Variants in NEO1 observed in about 807,000 individuals in gnomAD.
NEO1 encodes neogenin.
A neutral mutation model predicts 159.7 loss-of-function variants in NEO1; 63 were observed. That is an observed-to-expected ratio of 0.39 (90% CI 0.32 to 0.49). The LOEUF (loss-of-function observed/expected upper bound fraction) is 0.49. Among genes scored for constraint, NEO1 ranks in the 20% least tolerant of loss-of-function variants. NEO1 has a pLI of 0.85. For missense variants in NEO1, 1,615 were observed against 1,831.0 expected, an observed-to-expected ratio of 0.88 and a Z score of 2.15; for synonymous variants, 633 against 662.0, an observed-to-expected ratio of 0.96 and a Z score of 0.67.
At chr15:73,127,150 T>C (rs1251101471) in intron 4 of NEO1, among the ~76,000 whole-genome samples, 2 of 151,350 alleles carry the variant, frequency 1.3e-5, no homozygotes, top group African/African-American at 4.9e-5. Flanking sequence ...AGAATCGCTT[T>C]AACCCAGGAG....
chr15:73,217,998 T>G (rs927627195), intron 7 of NEO1, among the ~76,000 whole-genome samples: 2 of 152,100 alleles, frequency 1.3e-5, no homozygotes, highest in African/African-American at 4.8e-5. Context: ...CATCCCTGTC[T>G]TGTGCCAGTT....
intron 23 of NEO1, 29 bp downstream of exon 23, chr15:73,283,140 T>A: frequency 6.2e-7 from 1 of 1,612,386 alleles, no homozygotes; most frequent in Non-Finnish European, 8.5e-7. Flanking sequence ...ACCCCTTAGA[T>A]TTTTGGCATC....
chr15:73,267,457 T>G (rs2040962958), intron 16 of NEO1, among the ~76,000 whole-genome samples: 1 of 152,052 alleles, frequency 6.6e-6, no homozygotes, highest in South Asian at 2.1e-4. Context: ...GTTACATATG[T>G]ATACATGTGC....
chr15:73,194,523 GTT>G (rs2036423940), intron 7 of NEO1, among the ~76,000 whole-genome samples: 1 of 152,132 alleles, frequency 6.6e-6, no homozygotes, highest in African/African-American at 2.4e-5. Context: ...AGAGGAGGAG[GTT>G]CCAGGCTCTT....
chr15:73,142,983 A>G (rs1435234079), intron 5 of NEO1, among the ~76,000 whole-genome samples: 2 of 152,244 alleles, frequency 1.3e-5, no homozygotes, highest in African/African-American at 2.4e-5. Context: ...TGAAAATGAA[A>G]TAAACTGAGT....
chr15:73,184,725 C>A (rs1190136324), intron 7 of NEO1, among the ~76,000 whole-genome samples: 1 of 152,100 alleles, frequency 6.6e-6, no homozygotes, highest in African/African-American at 2.4e-5. Context: ...GGCAGGAGTT[C>A]GAGACCAGCT....
intron 7 of NEO1, among the ~76,000 whole-genome samples, chr15:73,220,642 T>C (rs1596379497): frequency 6.6e-6 from 1 of 152,218 alleles, no homozygotes; most frequent in African/African-American, 2.4e-5. Context: ...TATTCTTTTT[T>C]CTCTAAACTT....
chr15:73,184,551 TA>T (rs1652628983), intron 7 of NEO1, among the ~76,000 whole-genome samples: 1 of 152,206 alleles, frequency 6.6e-6, no homozygotes, highest in South Asian at 2.1e-4. Flanking sequence ...TATTCCTAAT[TA>T]CCAAGATGTC....
At position 73,205,977 on chromosome 15, in the gene NEO1, G is replaced by T. The variant is rs563295040; in HGVS notation, c.1291+27550G>T. Among the ~76,000 whole-genome samples the T allele has an allele frequency of 5.9e-5, 9 of 151,852 alleles. 1 individual carries two copies. In the South Asian group the frequency reaches 1.9e-3, roughly 32 times the overall value. On this transcript the variant is annotated intron_variant, in intron 7 of 28. Transcript: ENST00000261908. ...AGCTGGAGTGCAGTGGTGCGATCTC[G>T]GCTCACTGCAACCCCTGCCTCCCAG...
intron 5 of NEO1, among the ~76,000 whole-genome samples, chr15:73,151,303 T>C (rs1425779605): frequency 3.3e-5 from 5 of 152,230 alleles, no homozygotes; most frequent in Non-Finnish European, 7.3e-5. Flanking sequence ...GTACATGTTA[T>C]AGACATATTA....
chr15:73,178,494 A>G, intron 7 of NEO1, 67 bp downstream of exon 7: 1 of 1,575,084 alleles, frequency 6.3e-7, no homozygotes, highest in Non-Finnish European at 8.7e-7. Context: ...CCATCCGTCC[A>G]AATAACTCAT....
At chr15:73,299,419 T>A (rs1382498151) in intron 27 of NEO1, among the ~76,000 whole-genome samples, 1 of 151,714 alleles carries the variant, frequency 6.6e-6, no homozygotes, top group Non-Finnish European at 1.5e-5. Context: ...GGAGTCTCGC[T>A]CTGTCACCCA....
At chr15:73,066,989 T>C (rs2068254136) in intron 1 of NEO1, among the ~76,000 whole-genome samples, 1 of 152,260 alleles carries the variant, frequency 6.6e-6, no homozygotes, top group African/African-American at 2.4e-5. Flanking sequence ...TCTTTAGTTA[T>C]TCTCAGCGGG....
chr15:73,276,514 G>A (rs925942382), intron 21 of NEO1, among the ~76,000 whole-genome samples: 5 of 152,158 alleles, frequency 3.3e-5, no homozygotes, highest in South Asian at 2.1e-4. Context: ...AGAAATGATG[G>A]CATCAGAAGT....
intron 3 of NEO1, 121 bp from the exon 4 acceptor site, chr15:73,126,296 C>T (rs1428135377): frequency 6.1e-6 from 5 of 818,164 alleles, no homozygotes. Context: ...TCTCAAACTC[C>T]TGGGCTCAAG....
chr15:73,186,779 G>T (rs578098076), intron 7 of NEO1, among the ~76,000 whole-genome samples: 21 of 152,100 alleles, frequency 1.4e-4, no homozygotes, highest in Non-Finnish European at 2.9e-4. Flanking sequence ...GCAGCAATAG[G>T]GTAACACGCA....
intron 4 of NEO1, 26 bp from the exon 5 acceptor site, chr15:73,135,863 CTT>C (rs376822156): frequency 0.1 from 122,448 of 1,189,804 alleles, no homozygotes; most frequent in East Asian, 0.13. Flanking sequence ...TGAAATGTAT[CTT>C]TTTTTTTTTT....
At chr15:73,119,565 A>G (rs1384474847) in intron 2 of NEO1, among the ~76,000 whole-genome samples, 5 of 152,136 alleles carry the variant, frequency 3.3e-5, no homozygotes, top group Admixed American at 6.5e-5. Context: ...AGACATTGTT[A>G]ATATCTTCTT....
chr15:73,186,358 A>G (rs1047259372), intron 7 of NEO1, among the ~76,000 whole-genome samples: 1 of 152,136 alleles, frequency 6.6e-6, no homozygotes, highest in Admixed American at 6.5e-5. Flanking sequence ...AAAGGCAACC[A>G]AAACTATACC....
Sources: allele counts gnomAD v4.1 joint callset (sites outside exome capture counted in the v4.1 genomes callset), GRCh38; gene constraint gnomAD v4.1.1; transcripts MANE v1.5; gene names NCBI Gene and HGNC (gene_info 2026-07-23, HGNC 2026-07-21).